Variants in NRDE2 observed in about 807,000 individuals in gnomAD.
NRDE2 encodes nuclear exosome regulator NRDE2.
NRDE2 carries 76 observed loss-of-function variants against 124.2 expected under a neutral mutation model. That is an observed-to-expected ratio of 0.61 (90% CI 0.51 to 0.74). The LOEUF (loss-of-function observed/expected upper bound fraction) is 0.74, where lower values mean the gene tolerates loss of function less well. Among genes scored for constraint, NRDE2 ranks in the 30% least tolerant of loss-of-function variants. The pLI is 0.00. For synonymous variants in NRDE2, 489 were observed against 528.1 expected (o/e 0.93, Z 1.01); for missense variants, 1,314 against 1,417.3 (o/e 0.93, Z 1.17).
chr14:90,296,366 A>C (rs1053326945), intron 8 of NRDE2, among the ~76,000 whole-genome samples: 1 of 152,186 alleles, frequency 6.6e-6, no homozygotes, highest in Non-Finnish European at 1.5e-5. Flanking sequence ...GGTCAGCCTG[A>C]TGAATAGTTC....
chr14:90,297,212 C>A (rs1396456784), intron 8 of NRDE2, among the ~76,000 whole-genome samples: 4 of 151,094 alleles, frequency 2.6e-5, no homozygotes, highest in African/African-American at 9.7e-5. Flanking sequence ...AAATACACAC[C>A]AGATTTCAAA....
At position 90,288,582 on chromosome 14, in the gene NRDE2, A is replaced by C. The variant is rs116195915; in HGVS notation, c.2793T>G (p.Phe931Leu). ...DAAVQIYEQVFAKLNSSVFPE... is the reference protein window; with the variant it reads ...DAAVQIYEQVLAKLNSSVFPE... ...GGAAAACAGAACTGTTCAGTTTTGC[A>C]AACACCTGTTCGTATATCTGCACAG... The change falls in exon 11 of 14, where the codon TTT becomes TTG. Residue 931 changes from phenylalanine (F) to leucine (L), a missense_variant. Physicochemically the swap from Phe to Leu is conservative, Grantham distance 22 (BLOSUM62 0). Coordinates refer to ENST00000354366, the MANE Select transcript of NRDE2 (RefSeq NM_017970.4). 5.3e-3 allele frequency: 8,478 copies of C among 1,614,174 alleles called. 378 individuals carry two copies. In the African/African-American group the frequency reaches 0.098, roughly 19 times the overall value.
Position 90,270,457 on chromosome 14 carries a change from CTG to C in NRDE2, c.*7877_*7878del, listed in dbSNP as rs557888910. 6 of 1,279,216 alleles carry C rather than the reference CTG, an allele frequency of 4.7e-6. No individual in the cohort carries two copies. In the East Asian group the frequency reaches 1.3e-4, roughly 27 times the overall value. 79.2% of individuals were successfully genotyped at this position (1,279,216 alleles called of 1,614,324 possible). A position where few individuals can be genotyped will look rare whatever the true frequency, so the allele number is the denominator to read the frequency against. The stretch of plus-strand genomic sequence containing the variant: ...GTGGTTGGCCTGGACAGGTGGGTGT[CTG>C]TATTTTAATCATCATATTGGTTTAC... On this transcript the variant is annotated 3_prime_UTR_variant, in exon 14 of 14. Coordinates refer to ENST00000354366, the MANE Select transcript of NRDE2 (RefSeq NM_017970.4).
Position 90,268,935 on chromosome 14 carries a change from G to A in NRDE2, c.*9401C>T, listed in dbSNP as rs1192304180. The A allele has an allele frequency of 6.2e-6, 1 of 160,208 alleles. No homozygotes were observed. Among genetic ancestry groups the A allele is most frequent in the Non-Finnish European group, 1.4e-5 (1 of 73,308 alleles). 9.9% of individuals were successfully genotyped at this position (160,208 alleles called of 1,614,324 possible). ...CTGAGAAGCCCAAGATCAAGGCACT[G>A]GCATTGATGTCTAGTGAGGGCTGCT... is the stretch of plus-strand genomic sequence containing the variant. On this transcript the variant is annotated 3_prime_UTR_variant, in exon 14 of 14. Transcript: ENST00000354366.
chr14:90,328,188 T>TC (rs1885520663), intron 1 of NRDE2, among the ~76,000 whole-genome samples: 1 of 149,408 alleles, frequency 6.7e-6, no homozygotes, highest in African/African-American at 2.5e-5. Context: ...ATGCCTGTAG[T>TC]CCCAGTTACT....
Position 90,292,630 on chromosome 14 carries a change from C to T in NRDE2, c.1842+67G>A, listed in dbSNP as rs1386885386. 2.0e-5 allele frequency: 31 copies of T among 1,542,100 alleles called. 1 individual carries two copies. In the Admixed American group the frequency reaches 2.6e-4, roughly 13 times the overall value. ...GCGGCCTCCTTTCAGATAACCAAAG[C>T]GCATGGGAATGGAAAGCAGGCAGGG... On this transcript the variant is annotated intron_variant, in intron 9 of 13. Coordinates refer to ENST00000354366, the MANE Select transcript of NRDE2 (RefSeq NM_017970.4).
chr14:90,279,132 A>G lies in NRDE2; in HGVS notation c.3299T>C (p.Val1100Ala). 6.2e-7 allele frequency: 1 copy of G among 1,608,360 alleles called. No homozygotes were observed. Among genetic ancestry groups the G allele is most frequent in the Non-Finnish European group, 8.5e-7 (1 of 1,174,688 alleles). Reference protein sequence around the residue: ...LLWRMYLNFLVSLGNKERSKG... With the variant: ...LLWRMYLNFLASLGNKERSKG... The stretch of plus-strand genomic sequence containing the variant: ...GCTTCTTTCTTTATTTCCTAAGGAA[A>G]CCTGAGGTGAGGGGGAGAAAATACA... The change falls in exon 13 of 14, where the codon GTT becomes GCT. Residue 1100 changes from valine to alanine, a missense_variant and splice_region_variant. Coordinates refer to ENST00000354366, the MANE Select transcript of NRDE2 (RefSeq NM_017970.4).
At position 90,276,607 on chromosome 14, in the gene NRDE2, C is replaced by A. The variant is rs957165531; in HGVS notation, c.*1729G>T. 1 of 152,078 alleles carries A rather than the reference C, an allele frequency of 6.6e-6. No homozygotes were observed. Among genetic ancestry groups the A allele is most frequent in the African/African-American group, 2.4e-5 (1 of 41,410 alleles). The allele number at this position is 152,078 out of a possible 1,614,324, so 9.4% of individuals were successfully genotyped here. On this transcript the variant is annotated 3_prime_UTR_variant, in exon 14 of 14. Transcript: ENST00000354366. ...CAAGGAATCTTTGATTTGTTTTAAA[C>A]CTCCTCCCATGCAGCAAGTAATGTG... is the stretch of plus-strand genomic sequence containing the variant.
At position 90,273,625 on chromosome 14, in the gene NRDE2, C is replaced by T. The variant is rs941131776; in HGVS notation, c.*4711G>A. 1 of 152,454 alleles carries T rather than the reference C, an allele frequency of 6.6e-6. No homozygotes were observed. The highest frequency in any genetic ancestry group is 1.5e-5 in the Non-Finnish European group (1 of 68,206). The allele number at this position is 152,454 out of a possible 1,614,324, so 9.4% of individuals were successfully genotyped here. A position where few individuals can be genotyped will look rare whatever the true frequency, so the allele number is the denominator to read the frequency against. ...AGTTCTGTAGGTCAGAAGTCCAACA[C>T]GAGTGTCTCCAGGCTAAAGTCTTGC... is the stretch of plus-strand genomic sequence containing the variant. On this transcript the variant is annotated 3_prime_UTR_variant, in exon 14 of 14. Transcript: ENST00000354366.
At chr14:90,293,184 T>C (rs913062933) in intron 8 of NRDE2, among the ~76,000 whole-genome samples, 1 of 152,082 alleles carries the variant, frequency 6.6e-6, no homozygotes. Flanking sequence ...CCTACATACC[T>C]GCATTAACAG....
At chr14:90,327,513 C>T (rs1386249569) in intron 1 of NRDE2, among the ~76,000 whole-genome samples, 2 of 151,210 alleles carry the variant, frequency 1.3e-5, no homozygotes, top group African/African-American at 4.9e-5. Flanking sequence ...TGCGCCACTA[C>T]ACTCCAACCT....
chr14:90,292,650 G>A (rs776080603), intron 9 of NRDE2, 47 bp downstream of exon 9: 3 of 1,580,774 alleles, frequency 1.9e-6, no homozygotes, highest in Non-Finnish European at 2.6e-6. Flanking sequence ...TGGAAAGCAG[G>A]CAGGGACCCC....
At chr14:90,301,049 T>G (rs1436321750) in intron 7 of NRDE2, among the ~76,000 whole-genome samples, 190 bp downstream of exon 7, 2 of 151,104 alleles carry the variant, frequency 1.3e-5, no homozygotes, top group African/African-American at 4.9e-5. Flanking sequence ...TTACAAAACT[T>G]TCCTCAGATC....
chr14:90,278,136 A>C lies in NRDE2; in HGVS notation c.*200T>G. 1 of 566,862 alleles carries C rather than the reference A, an allele frequency of 1.8e-6. No individual in the cohort carries two copies. The highest frequency in any genetic ancestry group is 3.1e-6 in the Non-Finnish European group (1 of 318,504). 35.1% of individuals were successfully genotyped at this position (566,862 alleles called of 1,614,324 possible). On this transcript the variant is annotated 3_prime_UTR_variant, in exon 14 of 14. Coordinates refer to ENST00000354366, the MANE Select transcript of NRDE2 (RefSeq NM_017970.4). ...ATATATACACATATTCACATATATA[A>C]TATGTAAATAACTTTTGTGTCATTT... is the stretch of plus-strand genomic sequence containing the variant.
chr14:90,282,560 G>A (rs979497211), intron 12 of NRDE2, among the ~76,000 whole-genome samples: 1 of 151,988 alleles, frequency 6.6e-6, no homozygotes, highest in African/African-American at 2.4e-5. Flanking sequence ...TCCTAAAAAT[G>A]AGGTTTTAAC....
At chr14:90,296,902 G>A (rs1884184721) in intron 8 of NRDE2, among the ~76,000 whole-genome samples, 1 of 152,086 alleles carries the variant, frequency 6.6e-6, no homozygotes, top group African/African-American at 2.4e-5. Flanking sequence ...ACTTTGGGAG[G>A]TAGAGGTGGG....
At chr14:90,285,959 C>T (rs192228503) in intron 12 of NRDE2, among the ~76,000 whole-genome samples, 1 of 152,278 alleles carries the variant, frequency 6.6e-6, no homozygotes, top group East Asian at 1.9e-4. Context: ...ACAAAACAAT[C>T]AGGACCTAGA....
rs1884889834 is a variant in NRDE2 at position 90,312,675 on chromosome 14, T to A, written c.408-132A>T. ...TGGCATCAAACACACCTAAGCACAT[T>A]AAATGTACATGTGCCACAGAGATGG... is the stretch of plus-strand genomic sequence containing the variant. On this transcript the variant is annotated intron_variant, in intron 3 of 13. Coordinates refer to ENST00000354366, the MANE Select transcript of NRDE2 (RefSeq NM_017970.4). The A allele has an allele frequency of 5.0e-6, 4 of 806,124 alleles. No individual in the cohort carries two copies. In the East Asian group the frequency reaches 7.3e-5, roughly 15 times the overall value. The allele number at this position is 806,124 out of a possible 1,614,324, so 49.9% of individuals were successfully genotyped here.
chr14:90,328,965 C>T (rs989494345), intron 1 of NRDE2, among the ~76,000 whole-genome samples: 5 of 152,122 alleles, frequency 3.3e-5, no homozygotes, highest in Non-Finnish European at 7.4e-5. Context: ...TGAAACATCT[C>T]GTGAAATTTG....
Sources: allele counts gnomAD v4.1 joint callset (sites outside exome capture counted in the v4.1 genomes callset), GRCh38; gene constraint gnomAD v4.1.1; transcripts MANE v1.5; gene names NCBI Gene and HGNC (gene_info 2026-07-23, HGNC 2026-07-21).